ACAP3: variants seen among roughly 807,000 people sequenced by gnomAD.
The protein encoded by ACAP3 is arf-GAP with coiled-coil, ANK repeat and PH domain-containing protein 3.
In ACAP3, 56 loss-of-function variants were observed where a neutral mutation model predicts 104.1. That is an observed-to-expected ratio of 0.54 (90% CI 0.43 to 0.67). ACAP3 has a LOEUF of 0.67. ACAP3 is among the 30% of genes least tolerant of loss of function. ACAP3 has a pLI of 0.00. For missense variants in ACAP3, 1,208 were observed against 1,174.9 expected, an observed-to-expected ratio of 1.03 and a Z score of -0.41; for synonymous variants, 628 against 496.2, an observed-to-expected ratio of 1.27 and a Z score of -3.53.
Position 1,303,050 on chromosome 1 carries a change from C to T in ACAP3, c.226-75G>A. 6.4e-7 allele frequency: 1 copy of T among 1,561,344 alleles called. No individual in the cohort carries two copies. Among genetic ancestry groups the T allele is most frequent in the East Asian group, 2.4e-5 (1 of 42,164 alleles). On this transcript the variant is annotated intron_variant, in intron 3 of 23. Coordinates refer to ENST00000354700, the MANE Select transcript of ACAP3 (RefSeq NM_030649.3). The surrounding 1 kb of genome is among the most constrained non-coding windows in gnomAD (Gnocchi z 4.0). ...GTCACCCAGCCACGCCCTCTGAGCC[C>T]CTGGGCGGTGCAGACACCGGCCTGC...
At position 1,303,451 on chromosome 1, in the gene ACAP3, GCTTGGAGGCCCGTCT is replaced by G; in HGVS notation, c.106-185_106-171del. ...TTCCTCACGCCTGGGCCTGCCTGGG[GCTTGGAGGCCCGTCT>G]GGGAGGGGAGGGTGGGGCCGCCACG... On this transcript the variant is annotated intron_variant, in intron 2 of 23. Transcript: ENST00000354700. This position sits in a 1 kb window ranked among gnomAD's most constrained non-coding sequence, Gnocchi z 4.0. The G allele has an allele frequency of 2.6e-6, 2 of 775,752 alleles. No homozygotes were observed. The highest frequency in any genetic ancestry group is 3.8e-6 in the Non-Finnish European group (2 of 523,936). 48.1% of individuals were successfully genotyped at this position (775,752 alleles called of 1,614,324 possible). A position where few individuals can be genotyped will look rare whatever the true frequency, so the allele number is the denominator to read the frequency against.
At position 1,294,185 on chromosome 1, in the gene ACAP3, G is replaced by A; in HGVS notation, c.2154C>T (p.Val718=). The stretch of plus-strand genomic sequence containing the variant: ...CTCCGTTTTGCAGCAGGAACTCACA[G>A]ACGATCAAGGAGCCCTGGGGAGCCG... ...VQAVLGGSLI[V]CEFLLQNGAD... The change falls in exon 22 of 24, where the codon GTC becomes GTT. Residue 718 remains valine, a synonymous_variant. Coordinates refer to ENST00000354700, the MANE Select transcript of ACAP3 (RefSeq NM_030649.3). 3 of 1,590,918 alleles carry A rather than the reference G, an allele frequency of 1.9e-6. No homozygotes were observed. The highest frequency in any genetic ancestry group is 1.3e-5 in the African/African-American group (1 of 74,608).
At chr1:1,300,314 G>A (rs555625580) in intron 6 of ACAP3, 112 bp from the exon 7 acceptor site, 90 of 1,362,912 alleles carry the variant, frequency 6.6e-5, no homozygotes, top group Admixed American at 7.7e-5. Flanking sequence ...CCCCCAGGTC[G>A]TCTTCAGCTC....
intron 19 of ACAP3, chr1:1,295,077 G>A (rs1056584989): frequency 9.0e-6 from 5 of 558,140 alleles, no homozygotes; most frequent in Non-Finnish European, 1.6e-5. Flanking sequence ...CGCCTTACCC[G>A]GCACCCCCCG....
chr1:1,301,369 C>T (rs1641438181), intron 5 of ACAP3: 1 of 151,370 alleles, frequency 6.6e-6, no homozygotes, highest in Non-Finnish European at 1.5e-5. Flanking sequence ...AACTGATCCT[C>T]CCACCTCATC....
intron 20 of ACAP3, 21 bp downstream of exon 20, chr1:1,294,697 C>A (rs781755835): frequency 7.1e-6 from 11 of 1,548,216 alleles, no homozygotes; most frequent in Admixed American, 2.0e-5. Context: ...GGGCCTCGGG[C>A]GAGGGCAAGA....
rs1570659928 is a variant in ACAP3, at chr1:1,303,352, C to T, written c.106-71G>A. On this transcript the variant is annotated intron_variant, in intron 2 of 23. Transcript: ENST00000354700. The surrounding 1 kb of genome is among the most constrained non-coding windows in gnomAD (Gnocchi z 4.0). ...GCACTCGCCACCACACACGGCCACTCAGAGGCAGGAAGAGCTCCCAGGGTA... is the reference window on the plus strand; with the variant it reads ...GCACTCGCCACCACACACGGCCACTTAGAGGCAGGAAGAGCTCCCAGGGTA... 4.6e-6 allele frequency: 7 copies of T among 1,530,202 alleles called. No individual in the cohort carries two copies. The highest frequency in any genetic ancestry group is 4.4e-6 in the Non-Finnish European group (5 of 1,135,738). 94.8% of individuals were successfully genotyped at this position (1,530,202 alleles called of 1,614,324 possible).
intron 1 of ACAP3, chr1:1,305,856 G>C (rs887274667): frequency 3.3e-5 from 5 of 152,382 alleles, no homozygotes; most frequent in African/African-American, 1.2e-4. Flanking sequence ...GCTGCCACTA[G>C]GCCCTCCCCA....
Position 1,295,504 on chromosome 1 carries a change from C to T in ACAP3, c.1756G>A (p.Glu586Lys), listed in dbSNP as rs1641090370. The change falls in exon 19 of 24, where the codon GAG becomes AAG. Residue 586 changes from glutamate (E) to lysine (K), a missense_variant. Coordinates refer to ENST00000354700, the MANE Select transcript of ACAP3 (RefSeq NM_030649.3). Reference protein sequence around the residue: ...FRRDSLFCPDELDSLFSYFDA... With the variant: ...FRRDSLFCPDKLDSLFSYFDA... ...AAGTAGGAGAAGAGCGAGTCCAGCT[C>T]GTCGGGACAGAAGAGGGAGTCTCGG... 6.2e-7 allele frequency: 1 copy of T among 1,612,658 alleles called. No individual in the cohort carries two copies. Among genetic ancestry groups the T allele is most frequent in the Admixed American group, 1.7e-5 (1 of 60,016 alleles).
intron 6 of ACAP3, 22 bp downstream of exon 6, chr1:1,300,487 C>T (rs1267951654): frequency 4.4e-6 from 7 of 1,594,610 alleles, no homozygotes; most frequent in Admixed American, 1.8e-5. Context: ...TCCCCGCCCC[C>T]CAGCCCATTT....
intron 1 of ACAP3, among the ~76,000 whole-genome samples, chr1:1,306,573 C>T (rs909335213): frequency 1.3e-5 from 2 of 152,218 alleles, no homozygotes; most frequent in East Asian, 3.9e-4. Context: ...GCTCCTGAGC[C>T]TCCTGGTGAG....
rs1367939847 is a variant in ACAP3, at chr1:1,300,079, A to G, written c.568-11T>C. On this transcript the variant is annotated splice_polypyrimidine_tract_variant and intron_variant, in intron 7 of 23. Transcript: ENST00000354700. ...CATGAAGGACAGCATCTGCGGGGGC[A>G]GCACAGGTGAGGCCCAAGCACACCC... 5 of 1,611,578 alleles carry G rather than the reference A, an allele frequency of 3.1e-6. No homozygotes were observed. The highest frequency in any genetic ancestry group is 4.2e-6 in the Non-Finnish European group (5 of 1,179,324).
At position 1,300,086 on chromosome 1, in the gene ACAP3, G is replaced by A; in HGVS notation, c.568-18C>T. On this transcript the variant is annotated intron_variant, in intron 7 of 23. Transcript: ENST00000354700. ...GACAGCATCTGCGGGGGCAGCACAG[G>A]TGAGGCCCAAGCACACCCGGTCCAG... 3 of 1,611,260 alleles carry A rather than the reference G, an allele frequency of 1.9e-6. No homozygotes were observed. Among genetic ancestry groups the A allele is most frequent in the Admixed American group, 3.3e-5 (2 of 59,888 alleles).
At chr1:1,302,630 C>T (rs1641492931) in intron 4 of ACAP3, among the ~76,000 whole-genome samples, 1 of 152,142 alleles carries the variant, frequency 6.6e-6, no homozygotes, top group Non-Finnish European at 1.5e-5. Context: ...GGGGGCCACC[C>T]AGACCCAAAT....
In ACAP3 at chr1:1,294,578, CCTCAGT is replaced by C. The variant is rs1263755815; in HGVS notation, c.1957_1962del (p.Thr653_Glu654del). 2.6e-6 allele frequency: 4 copies of C among 1,511,878 alleles called. No homozygotes were observed. The Admixed American group carries it at 9.2e-5, about 35-fold the overall frequency. 93.7% of individuals were successfully genotyped at this position (1,511,878 alleles called of 1,614,324 possible). A position where few individuals can be genotyped will look rare whatever the true frequency, so the allele number is the denominator to read the frequency against. ...ACGTCCGCCAGGCCCCAGGCCTCGG[CCTCAGT>C]GTCCCCGTCTGCCTCACCGCTGGAC... On this transcript the variant is annotated inframe_deletion, in exon 21 of 24. Coordinates refer to ENST00000354700, the MANE Select transcript of ACAP3 (RefSeq NM_030649.3).
chr1:1,294,126 GC>G lies in ACAP3; in HGVS notation c.2212del (p.Ala738ArgfsTer19). On this transcript the variant is annotated frameshift_variant, in exon 22 of 24. Coordinates refer to ENST00000354700, the MANE Select transcript of ACAP3 (RefSeq NM_030649.3). LOFTEE classifies it high-confidence loss of function. Reference sequence around the variant, plus strand: ...CAGCAGCGTGGCGTGGTGCAGGGGCGCCCGGCCCCGGCTGTCTCTTTGGTTC... The same window carrying G: ...CAGCAGCGTGGCGTGGTGCAGGGGCGCCGGCCCCGGCTGTCTCTTTGGTTC... Reference protein sequence around the residue: ...DVNQRDSRGRAPLHHATLLGR... With the variant: ...DVNQRDSRGRXPLHHATLLGR... 6.3e-7 allele frequency: 1 copy of G among 1,590,180 alleles called. No homozygotes were observed. Among genetic ancestry groups the G allele is most frequent in the African/African-American group, 1.3e-5 (1 of 74,578 alleles).
chr1:1,297,199 G>T (rs1191908903), intron 14 of ACAP3, among the ~76,000 whole-genome samples: 1 of 133,902 alleles, frequency 7.5e-6, no homozygotes, highest in African/African-American at 3.3e-5. Context: ...TGGCACGTGT[G>T]TGTGTGCACA....
intron 13 of ACAP3, 24 bp from the exon 14 acceptor site, chr1:1,297,957 G>C (rs776840219): frequency 6.8e-6 from 11 of 1,610,924 alleles, no homozygotes; most frequent in Admixed American, 1.7e-5. Flanking sequence ...AGGGGCGGGC[G>C]TCAGCTCCGG....
intron 1 of ACAP3, among the ~76,000 whole-genome samples, chr1:1,306,706 A>G (rs1486359401): frequency 6.6e-6 from 1 of 152,216 alleles, no homozygotes; most frequent in Non-Finnish European, 1.5e-5. Flanking sequence ...ATGTGCAAAC[A>G]TGTTCATGCA....
Sources: gnomAD v4.1 joint callset for allele counts (sites outside exome capture counted in the v4.1 genomes callset) on GRCh38, gnomAD v4.1.1 for gene constraint, Gnocchi (gnomAD v3.1) non-coding constraint, MANE v1.5 for transcripts, NCBI Gene and HGNC (gene_info 2026-07-23, HGNC 2026-07-21) for gene names.